Variants in ODF2L observed in about 807,000 individuals in gnomAD.
The protein encoded by ODF2L is protein BCAP.
Under a neutral mutation model 86.3 loss-of-function variants are expected in ODF2L, and 76 were observed. That is an observed-to-expected ratio of 0.88 (90% CI 0.73 to 1.07). The LOEUF (loss-of-function observed/expected upper bound fraction) is 1.07. ODF2L is among the 50% of genes least tolerant of loss of function. The pLI is 0.00. For synonymous variants in ODF2L, 241 were observed against 231.3 expected (o/e 1.04, Z -0.38); for missense variants, 748 against 717.4 (o/e 1.04, Z -0.49).
In ODF2L at chr1:86,355,369, C is replaced by A. The variant is rs1403190056; in HGVS notation, c.1519-510G>T. 9.8e-6 allele frequency: 15 copies of A among 1,538,018 alleles called. No homozygotes were observed. In the East Asian group the frequency reaches 3.4e-4, roughly 35 times the overall value. On this transcript the variant is annotated intron_variant, in intron 14 of 17. Transcript: ENST00000317336. ...CCCATGCCAAGACAGAATATTCTTC[C>A]CACTGCTTCAAAATCTGCTCTAAAT... is the stretch of plus-strand genomic sequence containing the variant.
intron 7 of ODF2L, among the ~76,000 whole-genome samples, chr1:86,378,983 G>T (rs1161478745): frequency 2.0e-5 from 3 of 152,060 alleles, no homozygotes; most frequent in Admixed American, 2.0e-4. Context: ...GCATCCTCTT[G>T]GTGCTGTTCT....
chr1:86,392,393 T>C (rs1002510441), intron 1 of ODF2L, among the ~76,000 whole-genome samples: 2 of 152,112 alleles, frequency 1.3e-5, no homozygotes, highest in Non-Finnish European at 2.9e-5. Flanking sequence ...TGCATGTTTA[T>C]AGCAACACAA....
At chr1:86,394,769 A>T (rs1451626791) in intron 1 of ODF2L, among the ~76,000 whole-genome samples, 1 of 152,014 alleles carries the variant, frequency 6.6e-6, no homozygotes, top group African/African-American at 2.4e-5. Flanking sequence ...TGATCATGAC[A>T]TTCTTACTAT....
intron 11 of ODF2L, among the ~76,000 whole-genome samples, chr1:86,367,812 C>A (rs1009523697): frequency 6.6e-6 from 1 of 152,148 alleles, no homozygotes; most frequent in African/African-American, 2.4e-5. Context: ...GCAAAGTGAA[C>A]GTGGGGAGAA....
intron 1 of ODF2L, among the ~76,000 whole-genome samples, chr1:86,390,799 T>C (rs1231202792): frequency 6.6e-6 from 1 of 152,156 alleles, no homozygotes; most frequent in African/African-American, 2.4e-5. Context: ...CTCTCATCAT[T>C]TGTATTCAAC....
intron 13 of ODF2L, 86 bp downstream of exon 12, chr1:86,358,701 G>T: frequency 3.6e-6 from 2 of 549,760 alleles, no homozygotes; most frequent in Non-Finnish European, 3.0e-6. Flanking sequence ...ATGAACTAGA[G>T]AAAATGACCA....
At chr1:86,370,950 G>A (rs1173023214) in intron 10 of ODF2L, 68 bp downstream of exon 10, 3 of 1,001,706 alleles carry the variant, frequency 3.0e-6, no homozygotes, top group Non-Finnish European at 4.2e-6. Flanking sequence ...CTTTCTTCAA[G>A]CTATTTCTAC....
exon 4 of ODF2L, chr1:86,384,799 C>T (rs1022826969): frequency 6.0e-6 from 9 of 1,492,878 alleles, no homozygotes; most frequent in Admixed American, 2.5e-5. Context: ...CAGAAAGATT[C>T]GCCTGACAAA....
At chr1:86,347,201 T>G (rs1363006268), downstream of ODF2L, 2 of 152,222 alleles carry the variant, frequency 1.3e-5, no homozygotes, top group Non-Finnish European at 2.9e-5. Context: ...TTTGCTTACA[T>G]TTTTCATATC....
intron 8 of ODF2L, among the ~76,000 whole-genome samples, chr1:86,373,027 G>A (rs1042202665): frequency 6.6e-6 from 1 of 152,080 alleles, no homozygotes; most frequent in African/African-American, 2.4e-5. Flanking sequence ...TACAGTGCTC[G>A]GGTGACAGGT....
At chr1:86,368,601 A>C in intron 11 of ODF2L, 1 of 1,344,408 alleles carries the variant, frequency 7.4e-7, no homozygotes. Context: ...CTGATGAGGT[A>C]TAGAGAACTA....
intron 17 of ODF2L, 69 bp downstream of exon 16, chr1:86,352,790 T>C: frequency 1.1e-6 from 1 of 938,782 alleles, no homozygotes. Flanking sequence ...TCACTCACTT[T>C]GTATTTTCTA....
At chr1:86,385,767 T>G in intron 2 of ODF2L, 177 bp from the exon 3 acceptor site, 1 of 453,118 alleles carries the variant, frequency 2.2e-6, no homozygotes, top group Non-Finnish European at 3.9e-6. Flanking sequence ...TTATTTTACT[T>G]ATATTTTACT....
At chr1:86,366,413 C>T (rs1659429199) in intron 11 of ODF2L, among the ~76,000 whole-genome samples, 1 of 141,856 alleles carries the variant, frequency 7.0e-6, no homozygotes, top group African/African-American at 2.8e-5. Context: ...CACACACACA[C>T]ACACACACAC....
intron 14 of ODF2L, chr1:86,355,213 G>A (rs1658447211): frequency 1.6e-6 from 1 of 634,502 alleles, no homozygotes; most frequent in Non-Finnish European, 2.7e-6. Flanking sequence ...GATACCTAGG[G>A]TTTCTCTTAT....
At chr1:86,388,650 AG>A (rs1197385103) in intron 1 of ODF2L, among the ~76,000 whole-genome samples, 1 of 152,118 alleles carries the variant, frequency 6.6e-6, no homozygotes, top group Non-Finnish European at 1.5e-5. Flanking sequence ...TTTGGAATAA[AG>A]GTTTAAAAAA....
Position 86,360,491 on chromosome 1 carries a change from C to A in ODF2L, c.1189G>T (p.Glu397Ter), listed in dbSNP as rs17854439. Residue 397 changes from glutamate to a stop codon, truncating the protein, a stop_gained, in exon 12 of 18, where the codon GAA (glutamate) becomes TAA (stop). Transcript: ENST00000317336. LOFTEE classifies it high-confidence loss of function. ...TCTACTTCTTGCAATTCTGAGAGTT[C>A]ATTTTCAACAGATACAACTTCATCC... The A allele has an allele frequency of 6.2e-7, 1 of 1,602,844 alleles. No homozygotes were observed. The highest frequency in any genetic ancestry group is 1.1e-5 in the South Asian group (1 of 89,864).
At position 86,352,157 on chromosome 1, in the gene ODF2L, CTT is replaced by C. The variant is rs1353299660; in HGVS notation, c.*32_*33del. 7.3e-6 allele frequency: 11 copies of C among 1,505,276 alleles called. No individual in the cohort carries two copies. The African/African-American group carries it at 1.4e-4, about 19-fold the overall frequency. 93.2% of individuals were successfully genotyped at this position (1,505,276 alleles called of 1,614,324 possible). On this transcript the variant is annotated 3_prime_UTR_variant, in exon 18 of 18. Transcript: ENST00000317336. ...ACTCTTGAATCTTTTAGGTTTTCAA[CTT>C]TTTAGACACTTGGGAATTAAAAAAA...
intron 10 of ODF2L, among the ~76,000 whole-genome samples, chr1:86,370,191 C>T (rs1480210868): frequency 1.3e-5 from 2 of 151,750 alleles, no homozygotes; most frequent in East Asian, 3.9e-4. Context: ...TCTCAAGGAC[C>T]ACAGAATATA....
Sources: allele counts gnomAD v4.1 joint callset (sites outside exome capture counted in the v4.1 genomes callset), GRCh38; gene constraint gnomAD v4.1.1; transcripts MANE v1.5; gene names NCBI Gene and HGNC (gene_info 2026-07-23, HGNC 2026-07-21).